Variants in PDZD2 observed in about 807,000 individuals in gnomAD.
PDZD2 encodes the protein PDZ domain containing 2.
A neutral mutation model predicts 220.7 loss-of-function variants in PDZD2; 90 were observed. The observed-to-expected ratio is 0.41, with a 90% CI of 0.34 to 0.49. PDZD2 has a LOEUF of 0.49. PDZD2 is among the 20% of genes least tolerant of loss of function. The probability of loss-of-function intolerance (pLI) is 0.28; values close to 1 mark genes in which losing one functional copy is unlikely to be tolerated. For missense variants in PDZD2, 3,174 were observed against 3,608.5 expected, an observed-to-expected ratio of 0.88 and a Z score of 3.08; for synonymous variants, 1,375 against 1,450.5, an observed-to-expected ratio of 0.95 and a Z score of 1.18.
intron 4 of PDZD2, among the ~76,000 whole-genome samples, chr5:31,997,554 A>G (rs76612897): frequency 0.012 from 1,779 of 152,324 alleles, 31 homozygotes; most frequent in African/African-American, 0.04. Flanking sequence ...CTCCTGTCAG[A>G]TAGACAGTTT....
At position 31,798,206 on chromosome 5, in the gene PDZD2, A is replaced by G. The variant is rs187390302; in HGVS notation, c.-360-683A>G. On this transcript the variant is annotated intron_variant, in intron 1 of 24. Coordinates refer to ENST00000438447, the MANE Select transcript of PDZD2 (RefSeq NM_178140.4). The stretch of plus-strand genomic sequence containing the variant: ...GTCTTCTCGCCCAGGCATTTGGAGA[A>G]ACATTCCTCTGGAGGGGATGGCTTT... Among the ~76,000 whole-genome samples the G allele has an allele frequency of 7.3e-4, 111 of 152,308 alleles. No homozygotes were observed. The East Asian group carries it at 0.012, about 17-fold the overall frequency.
rs369734199 is a variant in PDZD2, at chr5:31,676,606, AC to A, written c.-361+37172del. Among the ~76,000 whole-genome samples the A allele has an allele frequency of 5.9e-3, 854 of 144,466 alleles. 10 individuals carry two copies. Among genetic ancestry groups the A allele is most frequent in the African/African-American group, 0.022 (822 of 38,172 alleles). 94.8% of individuals were successfully genotyped at this position (144,466 alleles called of 152,430 possible). A position where few individuals can be genotyped will look rare whatever the true frequency, so the allele number is the denominator to read the frequency against. ...TTTTGAGACAGAGTCTCGCTCTGTC[AC>A]CCATGGCATGATCTTGGTTCACTGT... On this transcript the variant is annotated intron_variant, in intron 1 of 24. Transcript: ENST00000438447.
chr5:32,069,325 G>A (rs1740539659), intron 14 of PDZD2, among the ~76,000 whole-genome samples: 2 of 151,314 alleles, frequency 1.3e-5, no homozygotes, highest in African/African-American at 4.9e-5. Context: ...CAGCTGTGTT[G>A]TTGGTAATCA....
chr5:31,692,793 T>C (rs1747196618), intron 1 of PDZD2: 1 of 152,360 alleles, frequency 6.6e-6, no homozygotes, highest in South Asian at 2.1e-4. Flanking sequence ...AGAGGAGCTG[T>C]GATGCAGCTC....
At position 31,645,549 on chromosome 5, in the gene PDZD2, A is replaced by G. The variant is rs576959274; in HGVS notation, c.-361+6112A>G. Among the ~76,000 whole-genome samples, 88 of 151,928 alleles carry G rather than the reference A, an allele frequency of 5.8e-4. No homozygotes were observed. The South Asian group carries it at 0.01, about 18-fold the overall frequency. Reference sequence around the variant, plus strand: ...ACGTGGTTTCACCATGTTGGCCAGGATGGTCTTGATCTCTTGATCTTGTGA... The same window carrying G: ...ACGTGGTTTCACCATGTTGGCCAGGGTGGTCTTGATCTCTTGATCTTGTGA... On this transcript the variant is annotated intron_variant, in intron 1 of 24. Coordinates refer to ENST00000438447, the MANE Select transcript of PDZD2 (RefSeq NM_178140.4).
chr5:32,082,234 C>G (rs323825), intron 19 of PDZD2, among the ~76,000 whole-genome samples: 14,965 of 150,748 alleles, frequency 0.099, 959 homozygotes, highest in South Asian at 0.34. Context: ...GTTGGCCAGG[C>G]TGGTCTCGAA....
chr5:31,820,917 A>AT (rs925203406), intron 2 of PDZD2, among the ~76,000 whole-genome samples: 26 of 147,504 alleles, frequency 1.8e-4, no homozygotes, highest in Admixed American at 3.4e-4. Flanking sequence ...TTTTGCCCTA[A>AT]TTTTTTTTTT....
At chr5:31,923,416 A>G (rs1027207309) in intron 2 of PDZD2, 13 of 1,253,226 alleles carry the variant, frequency 1.0e-5, no homozygotes, top group African/African-American at 1.5e-5. Context: ...CAGCTCTTCA[A>G]CGGGGGCCAG....
At chr5:32,052,488 C>A in intron 8 of PDZD2, 123 bp from the exon 9 acceptor site, 2 of 908,178 alleles carry the variant, frequency 2.2e-6, no homozygotes, top group Non-Finnish European at 3.6e-6. Context: ...GTCACTGAAC[C>A]AGAGAGAAAT....
At chr5:31,763,856 G>C (rs1751809039) in intron 1 of PDZD2, among the ~76,000 whole-genome samples, 1 of 139,198 alleles carries the variant, frequency 7.2e-6, no homozygotes, top group Middle Eastern at 3.4e-3. Context: ...AAGGAGAGGA[G>C]GGAGCCCTCT....
chr5:32,069,913 G>A (rs966334325), intron 15 of PDZD2, among the ~76,000 whole-genome samples: 1 of 152,154 alleles, frequency 6.6e-6, no homozygotes, highest in Non-Finnish European at 1.5e-5. Context: ...AGTGTTGCAT[G>A]TATATATGCT....
At chr5:31,982,136 T>C (rs1750348240) in intron 2 of PDZD2, among the ~76,000 whole-genome samples, 1 of 152,252 alleles carries the variant, frequency 6.6e-6, no homozygotes, top group African/African-American at 2.4e-5. Flanking sequence ...TCTTTGTCTA[T>C]GTGTTTTCCA....
chr5:32,016,707 G>T (rs914015072), intron 6 of PDZD2, among the ~76,000 whole-genome samples: 3 of 152,100 alleles, frequency 2.0e-5, no homozygotes, highest in African/African-American at 7.2e-5. Flanking sequence ...TCTGCCCCTG[G>T]GTCAAGAACA....
intron 14 of PDZD2, among the ~76,000 whole-genome samples, chr5:32,063,750 G>C (rs1026745607): frequency 2.0e-5 from 3 of 152,180 alleles, no homozygotes; most frequent in African/African-American, 7.2e-5. Context: ...AAGTTCACGG[G>C]ACCTTTACCA....
At chr5:31,881,025 C>T (rs868767678) in intron 2 of PDZD2, among the ~76,000 whole-genome samples, 10 of 151,970 alleles carry the variant, frequency 6.6e-5, no homozygotes, top group Admixed American at 3.3e-4. Context: ...TGGTCTCGAA[C>T]TCCTGACCTT....
chr5:31,850,015 CA>C (rs1245933462), intron 2 of PDZD2, among the ~76,000 whole-genome samples: 3 of 83,742 alleles, frequency 3.6e-5, no homozygotes, highest in East Asian at 2.5e-4. Context: ...TATACACACA[CA>C]CGTATATACT....
chr5:32,003,587 ACCT>A (rs1460828587), intron 5 of PDZD2, among the ~76,000 whole-genome samples: 2 of 151,880 alleles, frequency 1.3e-5, no homozygotes, highest in Non-Finnish European at 2.9e-5. Flanking sequence ...TGCACAGCCC[ACCT>A]CCTCAAAATC....
At chr5:31,676,225 G>A (rs1365256223) in intron 1 of PDZD2, among the ~76,000 whole-genome samples, 1 of 152,138 alleles carries the variant, frequency 6.6e-6, no homozygotes, top group Admixed American at 6.5e-5. Flanking sequence ...ATCACTCAGT[G>A]TAAATCCACA....
intron 2 of PDZD2, among the ~76,000 whole-genome samples, chr5:31,975,805 TTA>T (rs779348128): frequency 0.33 from 19,881 of 60,718 alleles, 4,605 homozygotes; most frequent in South Asian, 0.42. Flanking sequence ...TTTTTTTTAT[TTA>T]TTTTTTTTTT....
Sources: allele counts gnomAD v4.1 joint callset (sites outside exome capture counted in the v4.1 genomes callset), GRCh38; gene constraint gnomAD v4.1.1; transcripts MANE v1.5; gene names NCBI Gene and HGNC (gene_info 2026-07-23, HGNC 2026-07-21).